The following ZNF423 variants were observed in gnomAD, a reference collection of about 807,000 sequenced individuals.
ZNF423 encodes Ebf-associated zinc finger protein.
In ZNF423, 12 loss-of-function variants were observed where a neutral mutation model predicts 95.8. That is an observed-to-expected ratio of 0.13 (90% CI 0.08 to 0.20). The LOEUF (loss-of-function observed/expected upper bound fraction) is 0.20, where lower values mean the gene tolerates loss of function less well. Ranked by LOEUF, ZNF423 falls within the 10% of genes least tolerant of loss-of-function variation. The pLI, the probability that ZNF423 is intolerant of heterozygous loss-of-function variation, is 1.00. For synonymous variants in ZNF423, 749 were observed against 711.9 expected, an observed-to-expected ratio of 1.05 and a Z score of -0.83; for missense variants, 1,316 against 1,737.1, an observed-to-expected ratio of 0.76 and a Z score of 4.31.
rs115076613 is a variant in ZNF423, at chr16:49,830,016, G to A, written c.40+25719C>T. On this transcript the variant is annotated intron_variant, in intron 1 of 7. Transcript: ENST00000563137. The stretch of plus-strand genomic sequence containing the variant: ...GGCCCCTGTCCGGGGACAGTCGAGC[G>A]GCCACTGAGGAAGGAACTGTAAACA... Among the ~76,000 whole-genome samples the A allele has an allele frequency of 1.4e-3, 217 of 152,228 alleles. 2 individuals carry two copies. The highest frequency in any genetic ancestry group is 2.1e-3 in the Non-Finnish European group (143 of 68,026).
rs1224615324 is a variant in ZNF423 at position 49,637,718 on chromosome 16, A to C, written c.1458T>G (p.Ser486=). Residue 486 remains serine (S), a synonymous_variant, in exon 4 of 8, where the codon TCT becomes TCG. Coordinates refer to ENST00000563137, the MANE Select transcript of ZNF423 (RefSeq NM_001379286.1). The surrounding 1 kb of genome is among the most constrained non-coding windows in gnomAD (Gnocchi z 5.6). ...AYPVMQFGNI[S]AFHCNYCPEM... Reference sequence around the variant, plus strand: ...CGGGGCAGTAGTTGCAGTGGAAGGCAGAGATGTTGCCAAACTGCATCACAG... The same window carrying C: ...CGGGGCAGTAGTTGCAGTGGAAGGCCGAGATGTTGCCAAACTGCATCACAG... 6.2e-7 allele frequency: 1 copy of C among 1,614,044 alleles called. No individual in the cohort carries two copies.
intron 1 of ZNF423, among the ~76,000 whole-genome samples, chr16:49,821,415 G>A (rs1221921282): frequency 6.6e-6 from 1 of 152,130 alleles, no homozygotes; most frequent in Non-Finnish European, 1.5e-5. Flanking sequence ...GGCAGCAGAT[G>A]ATTGCCTCTG....
At chr16:49,545,378 G>A (rs1376466422) in intron 5 of ZNF423, among the ~76,000 whole-genome samples, 2 of 152,138 alleles carry the variant, frequency 1.3e-5, no homozygotes, top group African/African-American at 2.4e-5. Context: ...AAGAGGAGGC[G>A]CCGGGCAGGC....
chr16:49,855,335 C>A lies in ZNF423; in HGVS notation c.40+400G>T, dbSNP rs1597067096. 6.6e-6 allele frequency among the ~76,000 whole-genome samples: 1 copy of A among 151,498 alleles called. No individual in the cohort carries two copies. Among genetic ancestry groups the A allele is most frequent in the Admixed American group, 6.6e-5 (1 of 15,242 alleles). On this transcript the variant is annotated intron_variant, in intron 1 of 7. Coordinates refer to ENST00000563137, the MANE Select transcript of ZNF423 (RefSeq NM_001379286.1). The surrounding 1 kb of genome is among the most constrained non-coding windows in gnomAD (Gnocchi z 4.7). ...TTCCTTCCTCCTGTCGCCCGCCCGC[C>A]GCCGCCGAGATTCGCAATCCCCGCC...
At chr16:49,552,124 G>A (rs1219073266) in intron 5 of ZNF423, among the ~76,000 whole-genome samples, 1 of 152,232 alleles carries the variant, frequency 6.6e-6, no homozygotes, top group Non-Finnish European at 1.5e-5. Context: ...TGGGCTCTCT[G>A]CAGGGTCTGC....
intron 1 of ZNF423, among the ~76,000 whole-genome samples, chr16:49,808,374 T>A (rs1597028286): frequency 6.6e-6 from 1 of 152,262 alleles, no homozygotes; most frequent in Middle Eastern, 3.4e-3. Flanking sequence ...ATTTTTCTAA[T>A]AGACAATAAA....
intron 4 of ZNF423, among the ~76,000 whole-genome samples, chr16:49,633,624 C>T (rs1214851075): frequency 6.6e-6 from 1 of 152,196 alleles, no homozygotes; most frequent in African/African-American, 2.4e-5. Flanking sequence ...GATTTTAACC[C>T]AGGCCACCTG....
chr16:49,691,874 G>C (rs527790379), intron 3 of ZNF423, among the ~76,000 whole-genome samples: 1 of 152,304 alleles, frequency 6.6e-6, no homozygotes, highest in South Asian at 2.1e-4. Context: ...GCCTCCTCCT[G>C]CTGCTGAGGG....
In ZNF423 at chr16:49,636,000, G is replaced by C; in HGVS notation, c.3176C>G (p.Ala1059Gly). ...CCCCTGGCCATTGGGGGAGGACGCCGCTGAGCTGCCCGCCAGCTTCTGCAT... is the reference window on the plus strand; with the variant it reads ...CCCCTGGCCATTGGGGGAGGACGCCCCTGAGCTGCCCGCCAGCTTCTGCAT... ...FHMQKLAGSS[A>G]ASSPNGQGLQ... Residue 1059 changes from alanine (A) to glycine (G), a missense_variant, in exon 4 of 8, where the codon GCG (alanine) becomes GGG (glycine). This residue lies in a region of ZNF423 where 620 missense variants were observed against 775.6 expected (regional missense o/e 0.80). Transcript: ENST00000563137. The surrounding 1 kb of genome is among the most constrained non-coding windows in gnomAD (Gnocchi z 4.8). The C allele has an allele frequency of 6.2e-7, 1 of 1,605,226 alleles. No homozygotes were observed. Among genetic ancestry groups the C allele is most frequent in the Admixed American group, 1.7e-5 (1 of 59,784 alleles).
chr16:49,649,671 G>GGAGA (rs71134598), intron 3 of ZNF423, among the ~76,000 whole-genome samples: 52,300 of 147,938 alleles, frequency 0.35, 9,515 homozygotes, highest in Middle Eastern at 0.44. Flanking sequence ...ACACACACAG[G>GGAGA]GAGAGAGAGA....
In ZNF423 at chr16:49,815,903, T is replaced by C. The variant is rs1402103072; in HGVS notation, c.41-26357A>G. Among the ~76,000 whole-genome samples, 38 of 46,424 alleles carry C rather than the reference T, an allele frequency of 8.2e-4. 1 individual carries two copies. Among genetic ancestry groups the C allele is most frequent in the African/African-American group, 3.4e-3 (35 of 10,312 alleles). 30.5% of individuals were successfully genotyped at this position (46,424 alleles called of 152,430 possible). A position where few individuals can be genotyped will look rare whatever the true frequency, so the allele number is the denominator to read the frequency against. On this transcript the variant is annotated intron_variant, in intron 1 of 7. Transcript: ENST00000563137. ...AAAAATATATATATATATATATATA[T>C]ATATATATATATTTTTTTTTTTTTT... is the stretch of plus-strand genomic sequence containing the variant.
intron 3 of ZNF423, among the ~76,000 whole-genome samples, chr16:49,695,743 T>C (rs1320891333): frequency 1.3e-5 from 2 of 152,218 alleles, no homozygotes; most frequent in Non-Finnish European, 2.9e-5. Context: ...TGGTTTTTAT[T>C]TTGTTTGTTC....
intron 2 of ZNF423, among the ~76,000 whole-genome samples, chr16:49,787,493 C>T (rs950935848): frequency 1.3e-5 from 2 of 152,108 alleles, no homozygotes; most frequent in Non-Finnish European, 2.9e-5. Context: ...CCTACATGCA[C>T]GAGGCATGCT....
rs1265240482 is a variant in ZNF423 at position 49,490,084 on chromosome 16, C to T, written c.*1191G>A. ...CCCGCCACCAGTCTCAATGCTCTCA[C>T]ATCCTACTGATCTCTATGACTGGGA... is the stretch of plus-strand genomic sequence containing the variant. On this transcript the variant is annotated 3_prime_UTR_variant, in exon 8 of 8. Transcript: ENST00000563137. The T allele has an allele frequency of 2.0e-5, 3 of 152,352 alleles. No homozygotes were observed. Among genetic ancestry groups the T allele is most frequent in the Non-Finnish European group, 4.4e-5 (3 of 68,136 alleles). The allele number at this position is 152,352 out of a possible 1,614,324, so 9.4% of individuals were successfully genotyped here. A position where few individuals can be genotyped will look rare whatever the true frequency, so the allele number is the denominator to read the frequency against.
At chr16:49,684,854 C>CG (rs1567289050) in intron 3 of ZNF423, among the ~76,000 whole-genome samples, 1 of 152,210 alleles carries the variant, frequency 6.6e-6, no homozygotes. Context: ...CCCTGACACG[C>CG]GGCCAGCTGG....
chr16:49,649,673 A>T (rs980739393), intron 3 of ZNF423, among the ~76,000 whole-genome samples: 1 of 92,948 alleles, frequency 1.1e-5, no homozygotes, highest in African/African-American at 3.8e-5. Context: ...ACACACAGGG[A>T]GAGAGAGAGA....
intron 3 of ZNF423, among the ~76,000 whole-genome samples, chr16:49,690,673 G>C (rs971142044): frequency 4.6e-5 from 7 of 152,210 alleles, no homozygotes; most frequent in African/African-American, 1.7e-4. Flanking sequence ...GGCAGCGAGG[G>C]GGTACCACTG....
intron 1 of ZNF423, among the ~76,000 whole-genome samples, chr16:49,830,151 G>A (rs2035046574): frequency 6.6e-6 from 1 of 152,210 alleles, no homozygotes; most frequent in South Asian, 2.1e-4. Context: ...GTCAGGGAAG[G>A]CCGCGCAGAA....
chr16:49,644,094 T>C (rs1973076419), intron 3 of ZNF423, among the ~76,000 whole-genome samples: 1 of 151,682 alleles, frequency 6.6e-6, no homozygotes. Context: ...AGAATCAAGG[T>C]CAGAGATGCT....
Sources: gnomAD v4.1 joint callset for allele counts (sites outside exome capture counted in the v4.1 genomes callset) on GRCh38, gnomAD v4.1.1 for gene constraint, gnomAD v4.1.1 regional missense constraint, Gnocchi (gnomAD v3.1) non-coding constraint, MANE v1.5 for transcripts, NCBI Gene and HGNC (gene_info 2026-07-23, HGNC 2026-07-21) for gene names.